GLI2: variants seen among roughly 807,000 people sequenced by gnomAD.
GLI2 encodes the protein GLI family zinc finger 2, also known as transcription activator GLI2.
GLI2 carries 22 observed loss-of-function variants against 78.9 expected under a neutral mutation model. The ratio of observed to expected loss-of-function variants is 0.28; its 90% confidence interval spans 0.20 to 0.40. The LOEUF is 0.40. GLI2 is among the 10% of genes least tolerant of loss of function. GLI2 has a pLI of 1.00. For synonymous variants in GLI2, 974 were observed against 963.7 expected, an observed-to-expected ratio of 1.01 and a Z score of -0.20; for missense variants, 2,097 against 2,213.2, an observed-to-expected ratio of 0.95 and a Z score of 1.05.
chr2:120,812,493 G>A (rs1176641493), intron 2 of GLI2, among the ~76,000 whole-genome samples: 1 of 152,150 alleles, frequency 6.6e-6, no homozygotes. Flanking sequence ...GATCCACAGG[G>A]TCATCCTCAC....
intron 10 of GLI2, among the ~76,000 whole-genome samples, chr2:120,979,721 C>A (rs1043136142): frequency 8.5e-5 from 13 of 152,048 alleles, no homozygotes. Flanking sequence ...AGAAAGATAC[C>A]CTGTACTCAT....
At chr2:120,886,124 A>G (rs1280964859) in intron 2 of GLI2, among the ~76,000 whole-genome samples, 1 of 144,950 alleles carries the variant, frequency 6.9e-6, no homozygotes, top group Non-Finnish European at 1.5e-5. Flanking sequence ...TTTTTTTGAG[A>G]CAGGGTCTTG....
chr2:120,982,575 A>T (rs973267300), intron 10 of GLI2, 141 bp from the exon 11 acceptor site: 1 of 656,026 alleles, frequency 1.5e-6, no homozygotes, highest in African/African-American at 1.8e-5. Context: ...CAGGAAAGGA[A>T]AGTAATATCC....
intron 2 of GLI2, among the ~76,000 whole-genome samples, chr2:120,849,441 GTGA>G (rs897227915): frequency 2.1e-4 from 32 of 152,184 alleles, no homozygotes; most frequent in Admixed American, 2.0e-4. Context: ...TATGCCAATA[GTGA>G]TGATGATGAT....
At chr2:120,775,351 C>T (rs1001407934) in intron 1 of GLI2, among the ~76,000 whole-genome samples, 2 of 152,202 alleles carry the variant, frequency 1.3e-5, no homozygotes, top group Non-Finnish European at 2.9e-5. Context: ...TGCTTCGTGA[C>T]GCGTGTGTTA....
chr2:120,918,175 T>C (rs1558881283), intron 2 of GLI2, among the ~76,000 whole-genome samples: 1 of 152,156 alleles, frequency 6.6e-6, no homozygotes, highest in Non-Finnish European at 1.5e-5. Flanking sequence ...CCAAACCCTG[T>C]GTATGTCAAG....
chr2:120,808,773 C>A (rs182959262), intron 2 of GLI2, among the ~76,000 whole-genome samples: 1 of 152,328 alleles, frequency 6.6e-6, no homozygotes, highest in East Asian at 1.9e-4. Context: ...CAAGGCTCCC[C>A]TCAGCCAACT....
intron 2 of GLI2, among the ~76,000 whole-genome samples, chr2:120,843,457 C>T (rs753517690): frequency 1.5e-4 from 23 of 152,182 alleles, no homozygotes; most frequent in Admixed American, 6.5e-4. Context: ...TTTTGGAGTT[C>T]ACAAAAATAA....
chr2:120,769,710 T>A (rs2104655574), intron 1 of GLI2, among the ~76,000 whole-genome samples: 1 of 152,216 alleles, frequency 6.6e-6, no homozygotes, highest in African/African-American at 2.4e-5. Context: ...AATGTAGGGG[T>A]GTGTCTGTGA....
intron 5 of GLI2, among the ~76,000 whole-genome samples, chr2:120,965,712 CCT>C (rs566487337): frequency 2.0e-5 from 3 of 152,220 alleles, no homozygotes; most frequent in Non-Finnish European, 4.4e-5. Context: ...CCAGGATGCC[CCT>C]GTTTGCCGTC....
chr2:120,959,794 T>C (rs1476972438), intron 5 of GLI2, among the ~76,000 whole-genome samples: 1 of 152,206 alleles, frequency 6.6e-6, no homozygotes, highest in Non-Finnish European at 1.5e-5. Flanking sequence ...GCAGAGAATG[T>C]GAATGAGCGT....
At chr2:120,908,903 C>T (rs1236776359) in intron 2 of GLI2, among the ~76,000 whole-genome samples, 3 of 152,168 alleles carry the variant, frequency 2.0e-5, no homozygotes, top group Admixed American at 6.5e-5. Context: ...CTACAGGAGT[C>T]AGATGCAGGC....
chr2:120,964,609 G>A (rs1681744429), intron 5 of GLI2, among the ~76,000 whole-genome samples: 1 of 152,214 alleles, frequency 6.6e-6, no homozygotes, highest in Admixed American at 6.5e-5. Context: ...CGGGTCTCCC[G>A]CTTTGCCACT....
intron 3 of GLI2, among the ~76,000 whole-genome samples, chr2:120,948,611 G>A (rs1000196934): frequency 4.6e-5 from 7 of 152,196 alleles, no homozygotes; most frequent in African/African-American, 1.7e-4. Context: ...CCTCTCAGGG[G>A]AGGCTCACCT....
At chr2:120,880,958 T>G (rs1002161053) in intron 2 of GLI2, among the ~76,000 whole-genome samples, 2 of 152,196 alleles carry the variant, frequency 1.3e-5, no homozygotes, top group African/African-American at 4.8e-5. Flanking sequence ...AAATTTGTCT[T>G]TCTTATTTGC....
chr2:120,989,137 A>G lies in GLI2; in HGVS notation c.3172A>G (p.Ser1058Gly). ...DVVQYIKAHA[S>G]GALDEGTGQV... ...GGTGCAGTACATCAAGGCGCACGCC[A>G]GTGGCGCTCTGGACGAGGGCACCGG... Residue 1058 changes from serine (S) to glycine (G), a missense_variant, in exon 14 of 14, where the codon AGT (serine) becomes GGT (glycine). Ser to Gly is a moderately conservative substitution (Grantham distance 56, BLOSUM62 0). This residue lies in a region of GLI2 where 1,290 missense variants were observed against 1,261.7 expected (regional missense o/e 1.02). Coordinates refer to ENST00000361492, the MANE Select transcript of GLI2 (RefSeq NM_001374353.1). 2 of 1,613,038 alleles carry G rather than the reference A, an allele frequency of 1.2e-6. No homozygotes were observed. Among genetic ancestry groups the G allele is most frequent in the Non-Finnish European group, 1.7e-6 (2 of 1,179,956 alleles).
chr2:120,834,878 G>A (rs1485303628), intron 2 of GLI2, among the ~76,000 whole-genome samples: 5 of 151,920 alleles, frequency 3.3e-5, no homozygotes, highest in Non-Finnish European at 5.9e-5. Flanking sequence ...GGACCTTCTG[G>A]TGCACTCCTC....
rs865965855 is a variant in GLI2, at chr2:120,927,333, A to G, written c.149-28A>G. 46 of 1,525,612 alleles carry G rather than the reference A, an allele frequency of 3.0e-5. No homozygotes were observed. The Middle Eastern group carries it at 6.6e-3, about 219-fold the overall frequency. The allele number at this position is 1,525,612 out of a possible 1,614,324, so 94.5% of individuals were successfully genotyped here. Reference sequence around the variant, plus strand: ...TTTGAGGGAGGGGGAAAGTTTTTGAAGTCTTGTTTCTCTCTCCCCCTCTGC... The same window carrying G: ...TTTGAGGGAGGGGGAAAGTTTTTGAGGTCTTGTTTCTCTCTCCCCCTCTGC... On this transcript the variant is annotated intron_variant, in intron 2 of 13. Coordinates refer to ENST00000361492, the MANE Select transcript of GLI2 (RefSeq NM_001374353.1).
At chr2:120,986,254 G>C (rs974436432) in intron 12 of GLI2, 24 bp from the exon 13 acceptor site, 5 of 1,606,018 alleles carry the variant, frequency 3.1e-6, no homozygotes, top group African/African-American at 1.3e-5. Context: ...CTGAGTCTGA[G>C]CCTTCTTGCC....
Sources: allele counts gnomAD v4.1 joint callset (sites outside exome capture counted in the v4.1 genomes callset), GRCh38; gene constraint gnomAD v4.1.1; regional missense constraint gnomAD v4.1.1; transcripts MANE v1.5; gene names NCBI Gene and HGNC (gene_info 2026-07-23, HGNC 2026-07-21).